CACFD1: variants seen among roughly 807,000 people sequenced by gnomAD.
The protein encoded by CACFD1 is calcium channel flower homolog.
Under a neutral mutation model 21.3 loss-of-function variants are expected in CACFD1, and 26 were observed. The ratio of observed to expected loss-of-function variants is 1.22; its 90% CI spans 0.89 to 1.69. CACFD1 has a LOEUF of 1.69. Among genes scored for constraint, CACFD1 ranks in the 40% most tolerant of loss-of-function variants. The pLI is 0.00. For synonymous variants in CACFD1, 121 were observed against 106.6 expected (o/e 1.13, Z -0.83); for missense variants, 265 against 236.2 (o/e 1.12, Z -0.80).
chr9:133,465,454 G>A lies in CACFD1; in HGVS notation c.320+7G>A. 1.9e-6 allele frequency: 3 copies of A among 1,604,274 alleles called. No individual in the cohort carries two copies. Among genetic ancestry groups the A allele is most frequent in the South Asian group, 1.1e-5 (1 of 89,716 alleles). On this transcript the variant is annotated splice_region_variant and intron_variant, in intron 3 of 4. Transcript: ENST00000316948. This position sits in a 1 kb window ranked among gnomAD's most constrained non-coding sequence, Gnocchi z 5.0. ...AGGCTGTCTTCTACTGCGGGTGAGG[G>A]GTTGCTGGGCAGGGTCCCGTGACAC...
rs782343711 is a variant in CACFD1, at chr9:133,460,184, G to A, written c.118G>A (p.Val40Ile). ...LCRLSGVLGA[V>I]SCAISGLFNC... is the part of the protein sequence containing the mutation. The stretch of plus-strand genomic sequence containing the variant: ...TCGCCTGTCTGGGGTGCTGGGGGCA[G>A]TCTGTGAGTATCCAGTCGGGGAGAG... Residue 40 changes from valine (V) to isoleucine (I), a missense_variant, in exon 1 of 5, where the codon GTC becomes ATC. Coordinates refer to ENST00000316948, the MANE Select transcript of CACFD1 (RefSeq NM_017586.5). 1.6e-5 allele frequency: 24 copies of A among 1,547,106 alleles called. No homozygotes were observed. The South Asian group carries it at 1.8e-4, about 12-fold the overall frequency.
chr9:133,468,636 C>T lies in CACFD1; in HGVS notation c.502C>T (p.Leu168=). The change falls in exon 5 of 5, where the codon CTG becomes TTG. Residue 168 remains leucine, a synonymous_variant. Coordinates refer to ENST00000316948, the MANE Select transcript of CACFD1 (RefSeq NM_017586.5). ...QADEEKLAET[L]EGEL is the part of the protein sequence containing the mutation. The stretch of plus-strand genomic sequence containing the variant: ...GGATGAGGAGAAGCTCGCGGAGACC[C>T]TGGAGGGGGAGCTGTGAAGGGCTGG... The T allele has an allele frequency of 1.9e-6, 3 of 1,580,292 alleles. No individual in the cohort carries two copies. Among genetic ancestry groups the T allele is most frequent in the Non-Finnish European group, 2.6e-6 (3 of 1,166,066 alleles).
At chr9:133,464,907 G>A (rs1211789471) in intron 2 of CACFD1, 1 of 165,948 alleles carries the variant, frequency 6.0e-6, no homozygotes, top group Non-Finnish European at 1.3e-5. Context: ...GACGGCTTTT[G>A]GTGGCCATGG....
In CACFD1 at chr9:133,465,613, C is replaced by T. The variant is rs183795762; in HGVS notation, c.320+166C>T. Reference sequence around the variant, plus strand: ...AGTGATTTGCTCATAGCTGCCAAAACGTGCCCCAGTGGTTCTGCGCCCAGG... The same window carrying T: ...AGTGATTTGCTCATAGCTGCCAAAATGTGCCCCAGTGGTTCTGCGCCCAGG... On this transcript the variant is annotated intron_variant, in intron 3 of 4. Coordinates refer to ENST00000316948, the MANE Select transcript of CACFD1 (RefSeq NM_017586.5). This position sits in a 1 kb window ranked among gnomAD's most constrained non-coding sequence, Gnocchi z 5.0. 4.8e-5 allele frequency: 34 copies of T among 708,688 alleles called. No homozygotes were observed. Among genetic ancestry groups the T allele is most frequent in the Middle Eastern group, 3.7e-4 (1 of 2,676 alleles). 43.9% of individuals were successfully genotyped at this position (708,688 alleles called of 1,614,324 possible).
chr9:133,463,537 C>T lies in CACFD1; in HGVS notation c.176C>T (p.Ala59Val), dbSNP rs200937598. ...ATCACCATCCACCCTCTGAACATTG[C>T]GGCCGGCGTGTGGATGATGTGAGTA... ...NCITIHPLNI[A>V]AGVWMIMNAF... Residue 59 changes from alanine to valine, a missense_variant, in exon 2 of 5, where the codon GCG becomes GTG. Ala to Val is a moderately conservative substitution (Grantham distance 64). Coordinates refer to ENST00000316948, the MANE Select transcript of CACFD1 (RefSeq NM_017586.5). The T allele has an allele frequency of 1.7e-5, 27 of 1,614,078 alleles. No individual in the cohort carries two copies. The African/African-American group carries it at 1.7e-4, about 10-fold the overall frequency.
intron 1 of CACFD1, among the ~76,000 whole-genome samples, chr9:133,460,755 G>A (rs1843166624): frequency 6.6e-6 from 1 of 152,182 alleles, no homozygotes; most frequent in South Asian, 2.1e-4. Flanking sequence ...CAGGGCACAG[G>A]TGGCCCCTGG....
intron 3 of CACFD1, among the ~76,000 whole-genome samples, chr9:133,466,637 G>T (rs2130999773): frequency 6.6e-6 from 1 of 152,184 alleles, no homozygotes; most frequent in South Asian, 2.1e-4. Context: ...CTATTTTCAG[G>T]TGTGGAATTA....
intron 1 of CACFD1, among the ~76,000 whole-genome samples, chr9:133,462,911 A>G (rs971233862): frequency 6.6e-6 from 1 of 152,256 alleles, no homozygotes; most frequent in Admixed American, 6.5e-5. Context: ...ATAGCGTGCC[A>G]GTGGCACAGG....
intron 3 of CACFD1, among the ~76,000 whole-genome samples, chr9:133,466,518 C>A (rs1481368333): frequency 1.3e-5 from 2 of 152,164 alleles, no homozygotes; most frequent in Admixed American, 1.3e-4. Flanking sequence ...AATATTCATT[C>A]AGCTGGATGT....
In CACFD1 at chr9:133,468,610, C is replaced by T. The variant is rs782149054; in HGVS notation, c.476C>T (p.Ala159Val). 1.5e-5 allele frequency: 24 copies of T among 1,591,760 alleles called. No homozygotes were observed. Among genetic ancestry groups the T allele is most frequent in the Middle Eastern group, 1.8e-4 (1 of 5,692 alleles). ...AGGATCCAGCAGCAGAGGCAGCAGG[C>T]GGATGAGGAGAAGCTCGCGGAGACC... Reference protein sequence around the residue: ...YARIQQQRQQADEEKLAETLE... With the variant: ...YARIQQQRQQVDEEKLAETLE... The change falls in exon 5 of 5, where the codon GCG becomes GTG. Residue 159 changes from alanine to valine, a missense_variant. Transcript: ENST00000316948.
chr9:133,460,466 GGGGGC>G (rs1486536243), intron 1 of CACFD1, among the ~76,000 whole-genome samples: 1 of 138,164 alleles, frequency 7.2e-6, no homozygotes, highest in East Asian at 2.5e-4. Flanking sequence ...CCCAGGGCGG[GGGGGC>G]GGCGGGGGCG....
rs1843509607 is a variant in CACFD1 at position 133,468,001 on chromosome 9, T to C, written c.401T>C (p.Leu134Pro). The C allele has an allele frequency of 8.7e-6, 14 of 1,613,912 alleles. No individual in the cohort carries two copies. The highest frequency in any genetic ancestry group is 1.1e-5 in the Non-Finnish European group (13 of 1,179,982). ...GCCATCGCCTTTGCTACGGGGGTGCTGTACGGACTCTCTGCTCTGGGCAAA... is the reference window on the plus strand; with the variant it reads ...GCCATCGCCTTTGCTACGGGGGTGCCGTACGGACTCTCTGCTCTGGGCAAA... ...GNAIAFATGVLYGLSALGKKG... is the reference protein window; with the variant it reads ...GNAIAFATGVPYGLSALGKKG... The change falls in exon 4 of 5, where the codon CTG becomes CCG. Residue 134 changes from leucine (L) to proline (P), a missense_variant. Physicochemically the swap from Leu to Pro is moderately conservative, Grantham distance 98 (BLOSUM62 -3). Coordinates refer to ENST00000316948, the MANE Select transcript of CACFD1 (RefSeq NM_017586.5).
rs1194518887 is a variant in CACFD1, at chr9:133,460,131, G to A, written c.65G>A (p.Gly22Asp). 1.9e-6 allele frequency: 3 copies of A among 1,561,618 alleles called. No individual in the cohort carries two copies. Among genetic ancestry groups the A allele is most frequent in the Non-Finnish European group, 2.6e-6 (3 of 1,152,750 alleles). ...TCTGCGCCGCCCGCGCAGGAAGAGGGCATGACGTGGTGGTACCGCTGGCTG... is the reference window on the plus strand; with the variant it reads ...TCTGCGCCGCCCGCGCAGGAAGAGGACATGACGTGGTGGTACCGCTGGCTG... ...ASSAPPAQEE[G>D]MTWWYRWLCR... Residue 22 changes from glycine (G) to aspartate (D), a missense_variant, in exon 1 of 5, where the codon GGC becomes GAC. Physicochemically the swap from Gly to Asp is moderately conservative, Grantham distance 94. Coordinates refer to ENST00000316948, the MANE Select transcript of CACFD1 (RefSeq NM_017586.5).
rs1168908784 is a variant in CACFD1 at position 133,460,188 on chromosome 9, G to A, written c.121+1G>A. The stretch of plus-strand genomic sequence containing the variant: ...CTGTCTGGGGTGCTGGGGGCAGTCT[G>A]TGAGTATCCAGTCGGGGAGAGGGGC... On this transcript the variant is annotated splice_donor_variant, in intron 1 of 4. Coordinates refer to ENST00000316948, the MANE Select transcript of CACFD1 (RefSeq NM_017586.5). LOFTEE classifies it high-confidence loss of function. 2.6e-6 allele frequency: 4 copies of A among 1,542,736 alleles called. No homozygotes were observed. Among genetic ancestry groups the A allele is most frequent in the Middle Eastern group, 1.8e-4 (1 of 5,594 alleles).
In CACFD1 at chr9:133,465,487, CA is replaced by C. The variant is rs1843401634; in HGVS notation, c.320+44del. The C allele has an allele frequency of 1.9e-6, 3 of 1,571,136 alleles. No individual in the cohort carries two copies. The highest frequency in any genetic ancestry group is 2.6e-6 in the Non-Finnish European group (3 of 1,156,724). ...GGCAGGGTCCCGTGACACAGTTCCC[CA>C]AAACCCCACTGACAAAATAGGACCC... On this transcript the variant is annotated intron_variant, in intron 3 of 4. Transcript: ENST00000316948. This position sits in a 1 kb window ranked among gnomAD's most constrained non-coding sequence, Gnocchi z 5.0.
chr9:133,460,289 T>TGGGGGTC, intron 1 of CACFD1, 102 bp downstream of exon 1: 1 of 1,123,240 alleles, frequency 8.9e-7, no homozygotes, highest in Non-Finnish European at 1.2e-6. Flanking sequence ...AAGGACCCGC[T>TGGGGGTC]GGGGGTCGGG....
intron 1 of CACFD1, among the ~76,000 whole-genome samples, chr9:133,462,451 T>C (rs911781023): frequency 2.0e-5 from 3 of 152,250 alleles, no homozygotes; most frequent in African/African-American, 7.2e-5. Flanking sequence ...CTGGCTTCTT[T>C]GCCTGCTGTC....
chr9:133,466,689 G>A (rs587652546), intron 3 of CACFD1, among the ~76,000 whole-genome samples: 2 of 152,236 alleles, frequency 1.3e-5, no homozygotes, highest in Non-Finnish European at 2.9e-5. Flanking sequence ...TTTAAGATGC[G>A]TGGCTACGTT....
intron 2 of CACFD1, 27 bp downstream of exon 2, chr9:133,463,582 C>CG (rs1843309645): frequency 1.2e-6 from 2 of 1,612,266 alleles, no homozygotes; most frequent in Non-Finnish European, 1.7e-6. Context: ...CGTCCCACCC[C>CG]GGGGGTCTTG....
Sources: gnomAD v4.1 joint callset for allele counts (sites outside exome capture counted in the v4.1 genomes callset) on GRCh38, gnomAD v4.1.1 for gene constraint, Gnocchi (gnomAD v3.1) non-coding constraint, MANE v1.5 for transcripts, NCBI Gene and HGNC (gene_info 2026-07-23, HGNC 2026-07-21) for gene names.